The following NRXN1 variants were observed in gnomAD, a reference collection of about 807,000 sequenced individuals.
NRXN1 encodes the protein neurexin-1.
A neutral mutation model predicts 150.9 loss-of-function variants in NRXN1; 39 were observed. The observed-to-expected ratio is 0.26, with a 90% CI of 0.20 to 0.34. The LOEUF (loss-of-function observed/expected upper bound fraction) is 0.34, where lower values mean the gene tolerates loss of function less well. Ranked by LOEUF, NRXN1 falls within the 10% of genes least tolerant of loss-of-function variation. The pLI, the probability that NRXN1 is intolerant of heterozygous loss-of-function variation, is 1.00. For missense variants in NRXN1, 1,815 were observed against 1,949.9 expected, an observed-to-expected ratio of 0.93 and a Z score of 1.30; for synonymous variants, 924 against 757.0, an observed-to-expected ratio of 1.22 and a Z score of -3.62.
At chr2:50,687,288 TTAGA>T (rs1691378752) in intron 5 of NRXN1, among the ~76,000 whole-genome samples, 1 of 152,214 alleles carries the variant, frequency 6.6e-6, no homozygotes, top group Admixed American at 6.5e-5. Context: ...AACCTAAATA[TTAGA>T]TAGAAATCTT....
chr2:50,241,171 GC>G (rs1262797297), intron 17 of NRXN1, among the ~76,000 whole-genome samples: 1 of 150,810 alleles, frequency 6.6e-6, no homozygotes, highest in Non-Finnish European at 1.5e-5. Context: ...AAGAATATTA[GC>G]TCATCACCAT....
intron 5 of NRXN1, among the ~76,000 whole-genome samples, chr2:50,775,280 C>T (rs1302713723): frequency 6.6e-6 from 1 of 152,060 alleles, no homozygotes; most frequent in Non-Finnish European, 1.5e-5. Context: ...TCTCGGTATC[C>T]TGTGGGGCCT....
At chr2:50,929,690 T>C (rs1246668824) in intron 2 of NRXN1, among the ~76,000 whole-genome samples, 2 of 152,082 alleles carry the variant, frequency 1.3e-5, no homozygotes, top group Non-Finnish European at 2.9e-5. Context: ...CCTTCCTCCA[T>C]ACAGGGAGTG....
chr2:50,308,885 A>G (rs1257092017), intron 17 of NRXN1, among the ~76,000 whole-genome samples: 1 of 152,170 alleles, frequency 6.6e-6, no homozygotes, highest in Admixed American at 6.5e-5. Context: ...AATTTATCCT[A>G]GTCTTGTGTT....
chr2:50,508,526 A>C (rs534722213), intron 12 of NRXN1, among the ~76,000 whole-genome samples: 2 of 152,220 alleles, frequency 1.3e-5, no homozygotes, highest in East Asian at 3.9e-4. Flanking sequence ...TTGATCCTTG[A>C]AAAGAGAACA....
At chr2:50,784,344 G>C (rs925641468) in intron 5 of NRXN1, among the ~76,000 whole-genome samples, 9 of 152,032 alleles carry the variant, frequency 5.9e-5, no homozygotes, top group Admixed American at 4.6e-4. Flanking sequence ...GGTCCTGTGG[G>C]AGCAGAGAGA....
At chr2:50,573,796 T>G (rs1274982511) in intron 8 of NRXN1, among the ~76,000 whole-genome samples, 1 of 151,564 alleles carries the variant, frequency 6.6e-6, no homozygotes, top group African/African-American at 2.4e-5. Context: ...AAATAAACAA[T>G]GCACTGTAAC....
chr2:50,693,267 C>A (rs533667492), intron 5 of NRXN1, among the ~76,000 whole-genome samples: 1 of 152,104 alleles, frequency 6.6e-6, no homozygotes. Flanking sequence ...GTGCTTAATG[C>A]CAATATGCTA....
chr2:49,927,354 G>GTGA (rs1669285082), intron 22 of NRXN1, among the ~76,000 whole-genome samples: 1 of 152,136 alleles, frequency 6.6e-6, no homozygotes, highest in African/African-American at 2.4e-5. Flanking sequence ...GATGCATCTG[G>GTGA]TGATATGATG....
intron 19 of NRXN1, among the ~76,000 whole-genome samples, chr2:50,079,477 A>G (rs2152682040): frequency 6.6e-6 from 1 of 152,094 alleles, no homozygotes; most frequent in African/African-American, 2.4e-5. Flanking sequence ...CTATGATGAA[A>G]ATTTCTTGAT....
chr2:50,306,724 A>G (rs984793323), intron 17 of NRXN1, among the ~76,000 whole-genome samples: 4 of 152,220 alleles, frequency 2.6e-5, no homozygotes, highest in African/African-American at 9.6e-5. Flanking sequence ...TAAAATGGAA[A>G]CAGACTTTGT....
rs184867143 is a variant in NRXN1, at chr2:50,580,439, T to C, written c.1321-27414A>G. 3.4e-3 allele frequency among the ~76,000 whole-genome samples: 514 copies of C among 152,294 alleles called. 5 individuals carry two copies. Among genetic ancestry groups the C allele is most frequent in the Non-Finnish European group, 3.8e-3 (257 of 68,022 alleles). On this transcript the variant is annotated intron_variant, in intron 8 of 22. Coordinates refer to ENST00000401669, the MANE Select transcript of NRXN1 (RefSeq NM_001330078.2). ...ACACATTGGTGTTAATTAACTAAGG[T>C]CTGAAAATGTCTATAATTATTTTTA... is the stretch of plus-strand genomic sequence containing the variant.
chr2:50,661,020 A>G (rs1389243195), intron 5 of NRXN1, among the ~76,000 whole-genome samples: 1 of 152,024 alleles, frequency 6.6e-6, no homozygotes, highest in Non-Finnish European at 1.5e-5. Context: ...CATATCTTTC[A>G]TTCTCATCTA....
chr2:50,599,333 C>T (rs558009957), intron 8 of NRXN1, among the ~76,000 whole-genome samples: 62 of 152,222 alleles, frequency 4.1e-4, no homozygotes, highest in African/African-American at 1.2e-3. Flanking sequence ...CAAGCCACAC[C>T]GCTCCAAATA....
At chr2:50,496,356 T>G (rs748835389) in intron 14 of NRXN1, among the ~76,000 whole-genome samples, 1 of 152,178 alleles carries the variant, frequency 6.6e-6, no homozygotes, top group Non-Finnish European at 1.5e-5. Flanking sequence ...CTTTATGAAT[T>G]TGGAAAGCAA....
intron 5 of NRXN1, among the ~76,000 whole-genome samples, chr2:50,805,293 T>C (rs1028299734): frequency 5.3e-5 from 8 of 152,284 alleles, no homozygotes; most frequent in Admixed American, 5.2e-4. Context: ...TTTAGACATA[T>C]AAGGTTACTT....
At chr2:50,984,302 G>GTCCTGTTTTT (rs1177895789) in intron 2 of NRXN1, among the ~76,000 whole-genome samples, 3 of 151,540 alleles carry the variant, frequency 2.0e-5, no homozygotes, top group African/African-American at 7.3e-5. Flanking sequence ...AGGCTGCCCA[G>GTCCTGTTTTT]TCCTGTTTTT....
chr2:50,912,203 TG>T (rs917557501), intron 5 of NRXN1: 1 of 151,832 alleles, frequency 6.6e-6, no homozygotes, highest in Non-Finnish European at 1.5e-5. Context: ...TTAGATCTTC[TG>T]GGGGAAGGAG....
At chr2:50,680,671 T>C (rs1424939500) in intron 5 of NRXN1, among the ~76,000 whole-genome samples, 2 of 151,658 alleles carry the variant, frequency 1.3e-5, no homozygotes, top group African/African-American at 2.4e-5. Flanking sequence ...TGTTTTAATA[T>C]AGGATAGAAA....
Sources: allele counts gnomAD v4.1 joint callset (sites outside exome capture counted in the v4.1 genomes callset), GRCh38; gene constraint gnomAD v4.1.1; transcripts MANE v1.5; gene names NCBI Gene and HGNC (gene_info 2026-07-23, HGNC 2026-07-21).